The following UNC79 variants were observed in gnomAD, a reference collection of about 807,000 sequenced individuals.
The protein encoded by UNC79 is unc-79 subunit of NALCN channel complex.
UNC79 carries 37 observed loss-of-function variants against 283.1 expected under a neutral mutation model. The ratio of observed to expected loss-of-function variants is 0.13; its 90% confidence interval spans 0.10 to 0.17. The LOEUF is 0.17. UNC79 is among the 10% of genes least tolerant of loss of function. The probability of loss-of-function intolerance (pLI) is 1.00; values close to 1 mark genes in which losing one functional copy is unlikely to be tolerated. For missense variants in UNC79, 2,272 were observed against 3,211.1 expected (o/e 0.71, Z 7.07); for synonymous variants, 1,107 against 1,200.2 (o/e 0.92, Z 1.61).
Position 93,690,462 on chromosome 14 carries a change from GT to G in UNC79, c.7272+162del. 1 of 791,330 alleles carries G rather than the reference GT, an allele frequency of 1.3e-6. No homozygotes were observed. Among genetic ancestry groups the G allele is most frequent in the Non-Finnish European group, 1.8e-6 (1 of 542,990 alleles). The allele number at this position is 791,330 out of a possible 1,614,324, so 49.0% of individuals were successfully genotyped here. ...TTGTGCTAATGTCTTATTTAAAGTTGTTTAGATTCCCAGACTGTCTTTCCCC... is the reference window on the plus strand; with the variant it reads ...TTGTGCTAATGTCTTATTTAAAGTTGTTAGATTCCCAGACTGTCTTTCCCC... On this transcript the variant is annotated intron_variant, in intron 45 of 48. Coordinates refer to ENST00000555664, the Ensembl canonical transcript of UNC79. This position sits in a 1 kb window ranked among gnomAD's most constrained non-coding sequence, Gnocchi z 4.3.
rs2074817037 is a variant in UNC79, at chr14:93,692,981, A to C, written c.7470+1035A>C. On this transcript the variant is annotated intron_variant, in intron 46 of 48. Coordinates refer to ENST00000555664, the Ensembl canonical transcript of UNC79. ...TAATGATGATTCCAGTGTACCCTGA[A>C]ACCCAACACTACACTGCCCACAAAA... Among the ~76,000 whole-genome samples, 5 of 152,314 alleles carry C rather than the reference A, an allele frequency of 3.3e-5. No individual in the cohort carries two copies. The South Asian group carries it at 1.0e-3, about 32-fold the overall frequency.
chr14:93,427,838 T>C (rs1162600077), upstream of UNC79, among the ~76,000 whole-genome samples: 1 of 152,158 alleles, frequency 6.6e-6, no homozygotes, highest in Non-Finnish European at 1.5e-5. Context: ...AAAATGTTTT[T>C]TTCTGAAAAG....
At chr14:93,403,905 A>C (rs1170702426) in intron 1 of UNC79, among the ~76,000 whole-genome samples, 1 of 150,884 alleles carries the variant, frequency 6.6e-6, no homozygotes, top group Admixed American at 6.6e-5. Context: ...AGTGAGCTAG[A>C]CTCTTATATC....
chr14:93,589,279 TA>T (rs1293329410), intron 22 of UNC79, among the ~76,000 whole-genome samples: 20 of 152,058 alleles, frequency 1.3e-4, no homozygotes, highest in Middle Eastern at 3.2e-3. Context: ...GTGATATGGT[TA>T]TGATGGAAGC....
intron 29 of UNC79, 72 bp downstream of exon 30, chr14:93,618,426 G>C (rs1226636869): frequency 6.5e-6 from 9 of 1,381,634 alleles, no homozygotes; most frequent in Non-Finnish European, 8.5e-6. Flanking sequence ...TTTCTTAGGA[G>C]ATAGAAGAGT....
At chr14:93,680,253 A>G (rs1015875292) in intron 41 of UNC79, among the ~76,000 whole-genome samples, 2 of 152,200 alleles carry the variant, frequency 1.3e-5, no homozygotes, top group Non-Finnish European at 2.9e-5. Context: ...TTTGCTGAGT[A>G]TTATAGGTGA....
intron 22 of UNC79, among the ~76,000 whole-genome samples, chr14:93,592,686 A>G (rs1342529934): frequency 6.6e-6 from 1 of 152,214 alleles, no homozygotes; most frequent in Non-Finnish European, 1.5e-5. Flanking sequence ...TAGAAAACAA[A>G]ACAAAACAAA....
chr14:93,572,779 C>T, exon 16 of UNC79: 1 of 1,614,104 alleles, frequency 6.2e-7, no homozygotes, highest in Non-Finnish European at 8.5e-7. Flanking sequence ...ACAGGATACC[C>T]CTCCTCTGTG....
chr14:93,493,901 A>ATATT (rs1251701550), intron 5 of UNC79, among the ~76,000 whole-genome samples: 528 of 49,184 alleles, frequency 0.011, 5 homozygotes, highest in African/African-American at 0.024. Context: ...ATATATATAT[A>ATATT]TTTTTTTTTT....
chr14:93,687,582 T>C (rs1215161376), intron 43 of UNC79, among the ~76,000 whole-genome samples: 1 of 152,354 alleles, frequency 6.6e-6, no homozygotes, highest in Admixed American at 6.5e-5. Context: ...TGAACTGTTC[T>C]CTGGCTCTGC....
In UNC79 at chr14:93,586,612, C is replaced by T. The variant is rs532548855; in HGVS notation, c.2820C>T (p.Thr940=). 1.1e-4 allele frequency: 178 copies of T among 1,613,284 alleles called. 3 individuals carry two copies. The East Asian group carries it at 2.1e-3, about 19-fold the overall frequency. The change falls in exon 21 of 49, where the codon ACC becomes ACT. Residue 940 remains threonine (T), a synonymous_variant. Transcript: ENST00000555664. Reference sequence around the variant, plus strand: ...TCTTCACAGCAGTAAAGAATGATACCGAAAGAAAATTTTGCTACCAACAGC... The same window carrying T: ...TCTTCACAGCAGTAAAGAATGATACTGAAAGAAAATTTTGCTACCAACAGC...
chr14:93,610,165 A>T (rs2066197434), intron 26 of UNC79, among the ~76,000 whole-genome samples: 1 of 152,184 alleles, frequency 6.6e-6, no homozygotes, highest in Non-Finnish European at 1.5e-5. Context: ...CTGAAGTCTG[A>T]TGGTCTATTT....
chr14:93,338,861 A>G (rs1415642383), intron 1 of UNC79, among the ~76,000 whole-genome samples: 2 of 152,178 alleles, frequency 1.3e-5, no homozygotes, highest in African/African-American at 4.8e-5. Flanking sequence ...GTGAGCTGAG[A>G]TCACACCACT....
At chr14:93,400,453 G>A (rs894238286) in intron 1 of UNC79, among the ~76,000 whole-genome samples, 3 of 152,164 alleles carry the variant, frequency 2.0e-5, no homozygotes, top group African/African-American at 7.2e-5. Context: ...TAGCAGATAA[G>A]TGCCACATGA....
intron 1 of UNC79, among the ~76,000 whole-genome samples, chr14:93,461,360 G>A (rs4905071): frequency 0.69 from 105,666 of 152,150 alleles, 37,091 homozygotes; most frequent in Middle Eastern, 0.77. Flanking sequence ...TTTGTTAAGT[G>A]TTTTTTAGTC....
exon 30 of UNC79, chr14:93,622,099 T>C: frequency 1.2e-6 from 2 of 1,614,152 alleles, no homozygotes; most frequent in Non-Finnish European, 1.7e-6. Context: ...AAAAACACTC[T>C]ATACTCTCAA....
intron 1 of UNC79, among the ~76,000 whole-genome samples, chr14:93,366,897 C>T (rs1345234547): frequency 6.6e-6 from 1 of 151,990 alleles, no homozygotes; most frequent in Non-Finnish European, 1.5e-5. Context: ...TTATTTTACC[C>T]AATAAATATA....
chr14:93,521,904 G>C (rs149860188), intron 7 of UNC79, among the ~76,000 whole-genome samples: 68 of 150,766 alleles, frequency 4.5e-4, no homozygotes, highest in African/African-American at 1.5e-3. Context: ...CAAACATTTT[G>C]ATTCAGAAGA....
intron 14 of UNC79, among the ~76,000 whole-genome samples, chr14:93,560,849 C>G (rs774042490): frequency 6.6e-6 from 1 of 151,916 alleles, no homozygotes; most frequent in Non-Finnish European, 1.5e-5. Context: ...CCAGCTAGGG[C>G]GGCAGCCGTC....
Sources: gnomAD v4.1 joint callset for allele counts (sites outside exome capture counted in the v4.1 genomes callset) on GRCh38, gnomAD v4.1.1 for gene constraint, Gnocchi (gnomAD v3.1) non-coding constraint, MANE v1.5 for transcripts, NCBI Gene and HGNC (gene_info 2026-07-23, HGNC 2026-07-21) for gene names.